NBEA: variants seen among roughly 807,000 people sequenced by gnomAD.
NBEA encodes the protein neurobeachin, also known as lysosomal-trafficking regulator 2.
NBEA carries 44 observed loss-of-function variants against 343.4 expected under a neutral mutation model. The observed-to-expected ratio is 0.13, with a 90% CI of 0.10 to 0.16. NBEA has a LOEUF of 0.16. Ranked by LOEUF, NBEA falls within the 10% of genes least tolerant of loss-of-function variation. The pLI is 1.00. For missense variants in NBEA, 2,555 were observed against 3,631.3 expected (o/e 0.70, Z 7.62); for synonymous variants, 1,175 against 1,238.7 (o/e 0.95, Z 1.08).
At chr13:35,574,996 T>A (rs984373935) in intron 45 of NBEA, among the ~76,000 whole-genome samples, 1 of 152,132 alleles carries the variant, frequency 6.6e-6, no homozygotes, top group Admixed American at 6.5e-5. Context: ...CGCCTCGGCC[T>A]CTCAAAGTGT....
chr13:35,597,813 T>A (rs1488948667), intron 47 of NBEA, among the ~76,000 whole-genome samples: 1 of 152,084 alleles, frequency 6.6e-6, no homozygotes. Context: ...TTCCACAGCG[T>A]TGTATTGCTC....
chr13:35,277,653 G>GGC (rs2034706317), intron 34 of NBEA, among the ~76,000 whole-genome samples: 1 of 142,950 alleles, frequency 7.0e-6, no homozygotes, highest in South Asian at 2.2e-4. Flanking sequence ...AAAAAAGTGG[G>GGC]GGAAACAACA....
At chr13:35,137,592 A>G (rs992581843) in intron 17 of NBEA, among the ~76,000 whole-genome samples, 1 of 152,136 alleles carries the variant, frequency 6.6e-6, no homozygotes, top group Non-Finnish European at 1.5e-5. Flanking sequence ...AATAAAATTT[A>G]GTATGAGTTT....
chr13:35,580,485 G>T (rs1415151293), intron 45 of NBEA, among the ~76,000 whole-genome samples: 2 of 152,094 alleles, frequency 1.3e-5, no homozygotes, highest in Admixed American at 6.5e-5. Context: ...TAAAATTTTT[G>T]AAGTATAGCA....
chr13:35,066,147 G>A (rs745557953), intron 8 of NBEA, among the ~76,000 whole-genome samples: 14 of 152,076 alleles, frequency 9.2e-5, no homozygotes, highest in Non-Finnish European at 1.9e-4. Flanking sequence ...TTTTTATGGA[G>A]ACAGGGTCTT....
rs73488150 is a variant in NBEA, at chr13:34,952,588, A to G, written c.294+9474A>G. ...GGTAATTATTTGAACCACTGTATAT[A>G]CCATATTTGCTTGAATAAAACAAAT... is the stretch of plus-strand genomic sequence containing the variant. On this transcript the variant is annotated intron_variant, in intron 1 of 58. Transcript: ENST00000379939. Among the ~76,000 whole-genome samples the G allele has an allele frequency of 6.4e-3, 967 of 152,270 alleles. 11 individuals carry two copies. The highest frequency in any genetic ancestry group is 0.022 in the African/African-American group (926 of 41,554).
At chr13:35,171,216 T>C in intron 25 of NBEA, 56 bp from the exon 26 acceptor site, 5 of 1,378,420 alleles carry the variant, frequency 3.6e-6, no homozygotes, top group Non-Finnish European at 5.1e-6. Context: ...GTATATGTAT[T>C]ATATTTCCAA....
chr13:35,410,955 T>C (rs1221558976), intron 38 of NBEA, among the ~76,000 whole-genome samples: 1 of 152,162 alleles, frequency 6.6e-6, no homozygotes, highest in Non-Finnish European at 1.5e-5. Context: ...CACACTCTCA[T>C]AATAAGCAGA....
chr13:35,523,577 G>A (rs1258558771), intron 41 of NBEA, among the ~76,000 whole-genome samples: 1 of 152,166 alleles, frequency 6.6e-6, no homozygotes, highest in African/African-American at 2.4e-5. Context: ...TCACTCAGGA[G>A]GAGGAAGCTG....
At chr13:35,068,131 A>G (rs1273988164) in intron 8 of NBEA, among the ~76,000 whole-genome samples, 2 of 152,168 alleles carry the variant, frequency 1.3e-5, no homozygotes, top group Non-Finnish European at 2.9e-5. Flanking sequence ...TTCTATGTTT[A>G]TATTGAAATT....
chr13:35,670,310 A>G (rs2085550042), intron 58 of NBEA, among the ~76,000 whole-genome samples: 1 of 152,144 alleles, frequency 6.6e-6, no homozygotes, highest in African/African-American at 2.4e-5. Context: ...CTTAACCAGC[A>G]AAAGACCAGC....
intron 34 of NBEA, among the ~76,000 whole-genome samples, chr13:35,270,713 C>T (rs1382066013): frequency 6.6e-6 from 1 of 152,224 alleles, no homozygotes; most frequent in African/African-American, 2.4e-5. Flanking sequence ...ACCCACAGAT[C>T]CTTGCTAGCT....
intron 35 of NBEA, among the ~76,000 whole-genome samples, chr13:35,302,614 T>C (rs1316190562): frequency 6.6e-6 from 1 of 152,122 alleles, no homozygotes; most frequent in Admixed American, 6.6e-5. Flanking sequence ...AAAACATTCA[T>C]ATCTGGCAAA....
intron 45 of NBEA, among the ~76,000 whole-genome samples, chr13:35,567,372 G>A (rs1260136274): frequency 6.6e-6 from 1 of 152,128 alleles, no homozygotes; most frequent in African/African-American, 2.4e-5. Context: ...CATTTATATT[G>A]ACCATAAAAT....
chr13:35,537,431 A>G (rs2078613538), intron 41 of NBEA, among the ~76,000 whole-genome samples: 1 of 152,096 alleles, frequency 6.6e-6, no homozygotes. Flanking sequence ...CATACCAGGC[A>G]TTGTGCTAAG....
intron 1 of NBEA, among the ~76,000 whole-genome samples, chr13:34,983,793 T>A (rs1356459524): frequency 6.6e-6 from 1 of 152,228 alleles, no homozygotes; most frequent in Admixed American, 6.5e-5. Context: ...CACTTTTTCA[T>A]GTGTCTGTTG....
In NBEA at chr13:35,353,530, TA is replaced by T. The variant is rs200518021; in HGVS notation, c.6179+1211del. Among the ~76,000 whole-genome samples, 1,141 of 152,266 alleles carry T rather than the reference TA, an allele frequency of 7.5e-3. 10 individuals carry two copies. The highest frequency in any genetic ancestry group is 0.026 in the African/African-American group (1,067 of 41,544). On this transcript the variant is annotated intron_variant, in intron 38 of 58. Coordinates refer to ENST00000379939, the MANE Select transcript of NBEA (RefSeq NM_001385012.1). Reference sequence around the variant, plus strand: ...GATTATGAGTGTAAGATAGGTTTTTTAAAACTTTATTAATTTTGGATTTAAG... The same window carrying T: ...GATTATGAGTGTAAGATAGGTTTTTTAAACTTTATTAATTTTGGATTTAAG...
chr13:35,601,796 A>AAAAAG (rs2082068111), intron 47 of NBEA, among the ~76,000 whole-genome samples: 1 of 146,626 alleles, frequency 6.8e-6, no homozygotes, highest in Non-Finnish European at 1.5e-5. Context: ...GAAAAAAAAA[A>AAAAAG]AGAATGACTG....
chr13:34,992,238 G>GTGTATATATATA (rs775136249), intron 1 of NBEA, among the ~76,000 whole-genome samples: 22 of 122,144 alleles, frequency 1.8e-4, no homozygotes, highest in Non-Finnish European at 2.5e-4. Context: ...GTGTGTGTGT[G>GTGTATATATATA]TATATATATA....
Sources: gnomAD v4.1 joint callset for allele counts (sites outside exome capture counted in the v4.1 genomes callset) on GRCh38, gnomAD v4.1.1 for gene constraint, MANE v1.5 for transcripts, NCBI Gene and HGNC (gene_info 2026-07-23, HGNC 2026-07-21) for gene names.